PTPRT: variants seen among roughly 807,000 people sequenced by gnomAD.
The protein encoded by PTPRT is receptor-type tyrosine-protein phosphatase T.
In PTPRT, 56 loss-of-function variants were observed where a neutral mutation model predicts 176.8. The observed-to-expected ratio is 0.32, with a 90% CI of 0.26 to 0.40. The LOEUF (loss-of-function observed/expected upper bound fraction) is 0.40, where lower values mean the gene tolerates loss of function less well. Among genes scored for constraint, PTPRT ranks in the 10% least tolerant of loss-of-function variants. PTPRT has a pLI of 1.00. For missense variants in PTPRT, 1,540 were observed against 1,908.2 expected (o/e 0.81, Z 3.60); for synonymous variants, 783 against 739.0 (o/e 1.06, Z -0.96).
At chr20:42,909,308 C>G (rs927416967) in intron 1 of PTPRT, among the ~76,000 whole-genome samples, 1 of 152,138 alleles carries the variant, frequency 6.6e-6, no homozygotes, top group Admixed American at 6.5e-5. Flanking sequence ...ACCCAGATTT[C>G]TAAAATGCCC....
intron 11 of PTPRT, among the ~76,000 whole-genome samples, chr20:42,332,776 G>A (rs2057985624): frequency 1.3e-5 from 2 of 152,270 alleles, no homozygotes; most frequent in Admixed American, 1.3e-4. Flanking sequence ...ACTGTGAACT[G>A]TAAAGATCTT....
At chr20:42,791,597 G>T in intron 2 of PTPRT, 131 bp from the exon 3 acceptor site, 1 of 997,048 alleles carries the variant, frequency 1.0e-6, no homozygotes, top group Non-Finnish European at 1.4e-6. Flanking sequence ...AGAAGGGTCT[G>T]GGTGACCCTG....
At chr20:42,228,873 C>T (rs2056075734) in intron 15 of PTPRT, among the ~76,000 whole-genome samples, 1 of 152,102 alleles carries the variant, frequency 6.6e-6, no homozygotes, top group Non-Finnish European at 1.5e-5. Context: ...ATGCCAAGGG[C>T]AGGATAACCT....
chr20:42,624,005 C>CAAAAAAAAAACAAACA (rs1159094345), intron 7 of PTPRT, among the ~76,000 whole-genome samples: 3 of 135,686 alleles, frequency 2.2e-5, no homozygotes, highest in Non-Finnish European at 4.6e-5. Context: ...AAAACAATAG[C>CAAAAAAAAAACAAACA]AACAAACAAA....
intron 11 of PTPRT, among the ~76,000 whole-genome samples, chr20:42,316,382 G>A (rs2057722020): frequency 6.6e-6 from 1 of 152,158 alleles, no homozygotes; most frequent in Admixed American, 6.5e-5. Flanking sequence ...CAGCCTTACA[G>A]AAGTCTGTTG....
At chr20:42,226,194 A>C (rs2056006058) in intron 15 of PTPRT, among the ~76,000 whole-genome samples, 1 of 152,216 alleles carries the variant, frequency 6.6e-6, no homozygotes, top group Admixed American at 6.5e-5. Flanking sequence ...AAGACTCAAC[A>C]ATTTTCTCTC....
chr20:42,992,468 T>A (rs1319098041), intron 1 of PTPRT, among the ~76,000 whole-genome samples: 1 of 152,182 alleles, frequency 6.6e-6, no homozygotes, highest in Non-Finnish European at 1.5e-5. Context: ...GCAAGGAACC[T>A]AGCTGCCCTG....
chr20:42,551,416 C>T (rs1268803391), intron 7 of PTPRT, among the ~76,000 whole-genome samples: 2 of 152,120 alleles, frequency 1.3e-5, no homozygotes, highest in Non-Finnish European at 2.9e-5. Context: ...TCTTAGTCAA[C>T]CCATTAATTA....
intron 1 of PTPRT, among the ~76,000 whole-genome samples, chr20:42,937,261 T>C (rs950336922): frequency 4.6e-5 from 7 of 152,224 alleles, no homozygotes; most frequent in Non-Finnish European, 1.0e-4. Flanking sequence ...TCCACATGCA[T>C]ACACAGGCAC....
intron 9 of PTPRT, among the ~76,000 whole-genome samples, chr20:42,361,141 C>T (rs562437861): frequency 6.6e-5 from 10 of 152,074 alleles, no homozygotes; most frequent in Non-Finnish European, 1.3e-4. Flanking sequence ...TGTCAGAACA[C>T]GAGGCTTTGT....
chr20:42,756,616 C>G lies in PTPRT; in HGVS notation c.705G>C (p.Thr235=). The change falls in exon 6 of 31, where the codon ACG becomes ACC. Residue 235 remains threonine, a synonymous_variant. Transcript: ENST00000373187. ...LWLQQWNGRD[T]ALMVTRVVNH... ...TGACCACACGGGTGACCATCAGGGC[C>G]GTGTCCCTGCCATTCCATTGCTGCA... 1 of 1,594,946 alleles carries G rather than the reference C, an allele frequency of 6.3e-7. No homozygotes were observed. Among genetic ancestry groups the G allele is most frequent in the Non-Finnish European group, 8.6e-7 (1 of 1,168,114 alleles).
rs1370637628 is a variant in PTPRT at position 42,780,385 on chromosome 20, G to A, written c.487-86C>T. On this transcript the variant is annotated intron_variant, in intron 3 of 30. Transcript: ENST00000373187. ...AGCTGCCCGGCCCCCAGCCCTTTAT[G>A]TTTCAACTTCCCATCAGAAGCAACC... 11 of 1,018,412 alleles carry A rather than the reference G, an allele frequency of 1.1e-5. No individual in the cohort carries two copies. The East Asian group carries it at 2.7e-4, about 25-fold the overall frequency. The allele number at this position is 1,018,412 out of a possible 1,614,324, so 63.1% of individuals were successfully genotyped here.
intron 25 of PTPRT, among the ~76,000 whole-genome samples, chr20:42,103,220 C>T (rs1986117042): frequency 6.6e-6 from 1 of 152,194 alleles, no homozygotes; most frequent in Non-Finnish European, 1.5e-5. Flanking sequence ...GCTCCCTAGA[C>T]CAATCAATGT....
At chr20:42,290,268 T>C (rs941700052) in intron 12 of PTPRT, among the ~76,000 whole-genome samples, 1 of 152,088 alleles carries the variant, frequency 6.6e-6, no homozygotes, top group African/African-American at 2.4e-5. Context: ...TAATTTCATT[T>C]CCTTATCATT....
intron 9 of PTPRT, among the ~76,000 whole-genome samples, chr20:42,440,775 C>G (rs1454543425): frequency 6.6e-6 from 1 of 152,146 alleles, no homozygotes; most frequent in Non-Finnish European, 1.5e-5. Context: ...CCATGCCCGG[C>G]CTGTATTAGT....
intron 7 of PTPRT, among the ~76,000 whole-genome samples, chr20:42,529,261 A>G (rs2072333581): frequency 6.6e-6 from 1 of 152,168 alleles, no homozygotes; most frequent in South Asian, 2.1e-4. Context: ...CCGCTTGGTA[A>G]AGGTAATAAA....
chr20:42,295,973 C>T (rs2057381020), intron 12 of PTPRT, among the ~76,000 whole-genome samples: 1 of 152,172 alleles, frequency 6.6e-6, no homozygotes, highest in Non-Finnish European at 1.5e-5. Context: ...TGAGGCCTCC[C>T]CAGCCATGTG....
At chr20:43,162,461 A>G (rs1240377636) in intron 1 of PTPRT, among the ~76,000 whole-genome samples, 2 of 152,230 alleles carry the variant, frequency 1.3e-5, no homozygotes, top group Non-Finnish European at 2.9e-5. Context: ...TTCAAAGTCC[A>G]TGTTCTGGTA....
intron 2 of PTPRT, among the ~76,000 whole-genome samples, chr20:42,841,066 T>C (rs1370072933): frequency 6.6e-6 from 1 of 152,116 alleles, no homozygotes. Flanking sequence ...ACCCTTGCCA[T>C]GAGAGGTATG....
Sources: gnomAD v4.1 joint callset for allele counts (sites outside exome capture counted in the v4.1 genomes callset) on GRCh38, gnomAD v4.1.1 for gene constraint, MANE v1.5 for transcripts, NCBI Gene and HGNC (gene_info 2026-07-23, HGNC 2026-07-21) for gene names.